The following CRACD variants were observed in gnomAD, a reference collection of about 807,000 sequenced individuals.
CRACD encodes the protein capping protein-inhibiting regulator of actin dynamics.
In CRACD, 56 loss-of-function variants were observed where a neutral mutation model predicts 106.8. The ratio of observed to expected loss-of-function variants is 0.52; its 90% CI spans 0.42 to 0.66. The LOEUF (loss-of-function observed/expected upper bound fraction) is 0.66, where lower values mean the gene tolerates loss of function less well. CRACD is among the 30% of genes least tolerant of loss of function. The pLI is 0.00. For synonymous variants in CRACD, 754 were observed against 670.8 expected (o/e 1.12, Z -1.92); for missense variants, 1,730 against 1,623.2 (o/e 1.07, Z -1.13).
At chr4:56,116,720 T>C (rs1734297527) in intron 1 of CRACD, among the ~76,000 whole-genome samples, 1 of 152,232 alleles carries the variant, frequency 6.6e-6, no homozygotes, top group Admixed American at 6.5e-5. Flanking sequence ...TTTATTTATT[T>C]ATTTTTTAGA....
At chr4:56,216,499 A>C (rs991694087) in intron 2 of CRACD, among the ~76,000 whole-genome samples, 8 of 152,176 alleles carry the variant, frequency 5.3e-5, no homozygotes, top group African/African-American at 1.9e-4. Flanking sequence ...ATCGGTTGGA[A>C]TCATAGTCCC....
intron 3 of CRACD, among the ~76,000 whole-genome samples, chr4:56,278,775 A>G (rs1742822850): frequency 6.6e-6 from 1 of 152,184 alleles, no homozygotes. Context: ...CAAAACTCCC[A>G]CAACTCAATA....
intron 1 of CRACD, among the ~76,000 whole-genome samples, chr4:56,110,492 T>C (rs1031802688): frequency 8.5e-5 from 13 of 152,192 alleles, no homozygotes; most frequent in Non-Finnish European, 1.9e-4. Context: ...AGCTTTGCAG[T>C]AGGCTTAGAC....
At chr4:56,215,425 A>C (rs1738626712) in intron 2 of CRACD, among the ~76,000 whole-genome samples, 1 of 152,252 alleles carries the variant, frequency 6.6e-6, no homozygotes, top group Non-Finnish European at 1.5e-5. Flanking sequence ...CTTGGCAGTT[A>C]GAATTTCAGC....
chr4:56,316,403 C>T lies in CRACD; in HGVS notation c.2901C>T (p.Pro967=), dbSNP rs373698023. 21 of 1,614,056 alleles carry T rather than the reference C, an allele frequency of 1.3e-5. No individual in the cohort carries two copies. Among genetic ancestry groups the T allele is most frequent in the Non-Finnish European group, 1.7e-5 (20 of 1,179,996 alleles). ...LAQKPALAPK[P]TSQTPPASPL... ...AAAAGCCAGCACTGGCTCCCAAGCCCACCAGTCAGACCCCACCAGCATCCC... is the reference window on the plus strand; with the variant it reads ...AAAAGCCAGCACTGGCTCCCAAGCCTACCAGTCAGACCCCACCAGCATCCC... The change falls in exon 8 of 11, where the codon CCC becomes CCT. Residue 967 remains proline, a synonymous_variant. Coordinates refer to ENST00000682029, the MANE Select transcript of CRACD (RefSeq NM_001393381.1).
At chr4:56,223,086 TA>T (rs1392707763) in intron 2 of CRACD, among the ~76,000 whole-genome samples, 2 of 150,782 alleles carry the variant, frequency 1.3e-5, no homozygotes, top group African/African-American at 4.9e-5. Context: ...ATGGCCATGG[TA>T]AAATCTCCTG....
intron 3 of CRACD, among the ~76,000 whole-genome samples, chr4:56,279,374 G>A (rs1393848399): frequency 6.6e-6 from 1 of 152,034 alleles, no homozygotes; most frequent in African/African-American, 2.4e-5. Context: ...TACAACATGG[G>A]AGAAAATTTT....
intron 1 of CRACD, among the ~76,000 whole-genome samples, chr4:56,158,684 G>C (rs1280394807): frequency 4.6e-5 from 7 of 152,244 alleles, no homozygotes; most frequent in Non-Finnish European, 7.3e-5. Context: ...AGAGGAGAAT[G>C]TGTGTCACAA....
chr4:56,320,145 C>CAAAA (rs11386476), intron 8 of CRACD, among the ~76,000 whole-genome samples: 3 of 145,126 alleles, frequency 2.1e-5, no homozygotes, highest in Non-Finnish European at 4.5e-5. Flanking sequence ...ACTCCAGCCT[C>CAAAA]AAAAAAAAAA....
intron 2 of CRACD, among the ~76,000 whole-genome samples, chr4:56,246,995 TTCATAGTTGGCCC>T (rs1352689955): frequency 1.3e-5 from 2 of 152,218 alleles, no homozygotes; most frequent in Non-Finnish European, 2.9e-5. Flanking sequence ...TTCGAGTACA[TTCATAGTTGGCCC>T]TCTGTAAGTC....
intron 1 of CRACD, among the ~76,000 whole-genome samples, chr4:56,152,511 A>G (rs532753078): frequency 6.6e-6 from 1 of 151,962 alleles, no homozygotes; most frequent in East Asian, 2.0e-4. Flanking sequence ...ATGGTGGTGC[A>G]CACCTGTAGT....
intron 1 of CRACD, among the ~76,000 whole-genome samples, chr4:56,106,202 A>G (rs1733945179): frequency 6.6e-6 from 1 of 151,600 alleles, no homozygotes; most frequent in Admixed American, 6.6e-5. Context: ...TCTTTTTAAA[A>G]CTCTTTATAA....
rs1308217861 is a variant in CRACD at position 56,314,258 on chromosome 4, G to A, written c.756G>A (p.Arg252=). 2 of 1,569,612 alleles carry A rather than the reference G, an allele frequency of 1.3e-6. No homozygotes were observed. The highest frequency in any genetic ancestry group is 2.7e-5 in the African/African-American group (2 of 74,210). ...AGAAGAGACGCCTAGAGGAGCAGAG[G>A]CTGCAGGCGCTGGAGAGGAGGCTTT... ...AAEKRRLEEQ[R]LQALERRLWE... is the part of the protein sequence containing the mutation. Residue 252 remains arginine, a synonymous_variant, in exon 8 of 11, where the codon AGG becomes AGA. Coordinates refer to ENST00000682029, the MANE Select transcript of CRACD (RefSeq NM_001393381.1). The surrounding 1 kb of genome is among the most constrained non-coding windows in gnomAD (Gnocchi z 4.4).
chr4:56,057,566 C>T (rs896999311), intron 1 of CRACD, among the ~76,000 whole-genome samples: 1 of 150,252 alleles, frequency 6.7e-6, no homozygotes, highest in Non-Finnish European at 1.5e-5. Context: ...ATATGGTGCT[C>T]ATTTAAGTCA....
At chr4:56,293,805 C>T (rs1180308734) in intron 3 of CRACD, among the ~76,000 whole-genome samples, 1 of 152,222 alleles carries the variant, frequency 6.6e-6, no homozygotes. Flanking sequence ...ATCCAGCCAC[C>T]TCCCACCATT....
intron 3 of CRACD, among the ~76,000 whole-genome samples, chr4:56,280,475 T>C (rs1458302342): frequency 6.6e-6 from 1 of 152,208 alleles, no homozygotes; most frequent in East Asian, 1.9e-4. Flanking sequence ...AAGCTTTCTT[T>C]GATTCCCTCA....
At chr4:56,320,473 G>T (rs544757180) in intron 8 of CRACD, among the ~76,000 whole-genome samples, 3 of 152,330 alleles carry the variant, frequency 2.0e-5, no homozygotes, top group East Asian at 3.9e-4. Flanking sequence ...TGTAATAAGA[G>T]ATTTTACTGT....
intron 1 of CRACD, among the ~76,000 whole-genome samples, chr4:56,166,675 C>CAAAAAAA (rs35537364): frequency 0.029 from 2,633 of 91,556 alleles, 185 homozygotes; most frequent in East Asian, 0.099. Flanking sequence ...CACTCTGTCT[C>CAAAAAAA]AAAAAAAAAA....
intron 1 of CRACD, among the ~76,000 whole-genome samples, chr4:56,112,951 T>G (rs898642521): frequency 6.6e-6 from 1 of 150,942 alleles, no homozygotes; most frequent in East Asian, 2.0e-4. Flanking sequence ...TTTGAAAATA[T>G]AATCGCTGTA....
Sources: allele counts gnomAD v4.1 joint callset (sites outside exome capture counted in the v4.1 genomes callset), GRCh38; gene constraint gnomAD v4.1.1; non-coding constraint Gnocchi (gnomAD v3.1); transcripts MANE v1.5; gene names NCBI Gene and HGNC (gene_info 2026-07-23, HGNC 2026-07-21).